TMPRSS11D: variants seen among roughly 807,000 people sequenced by gnomAD.
TMPRSS11D encodes transmembrane serine protease 11D.
Under a neutral mutation model 44.4 loss-of-function variants are expected in TMPRSS11D, and 32 were observed. The ratio of observed to expected loss-of-function variants is 0.72; its 90% CI spans 0.54 to 0.97. TMPRSS11D has a LOEUF of 0.97. Ranked by LOEUF, TMPRSS11D falls within the 50% of genes least tolerant of loss-of-function variation. The pLI, the probability that TMPRSS11D is intolerant of heterozygous loss-of-function variation, is 0.00. For synonymous variants in TMPRSS11D, 179 were observed against 177.9 expected (o/e 1.01, Z -0.05); for missense variants, 446 against 502.6 (o/e 0.89, Z 1.08).
intron 7 of TMPRSS11D, among the ~76,000 whole-genome samples, chr4:67,829,209 T>G (rs1336641959): frequency 3.3e-5 from 5 of 152,056 alleles, no homozygotes. Flanking sequence ...CATAGTTAAA[T>G]TCTCAGGACC....
intron 5 of TMPRSS11D, among the ~76,000 whole-genome samples, chr4:67,835,876 T>C (rs1718071550): frequency 6.6e-6 from 1 of 152,086 alleles, no homozygotes; most frequent in Non-Finnish European, 1.5e-5. Context: ...GTGTTGTGTT[T>C]AGGGAAATGG....
chr4:67,865,092 T>A (rs1032077619), intron 1 of TMPRSS11D, among the ~76,000 whole-genome samples: 18 of 151,844 alleles, frequency 1.2e-4, no homozygotes, highest in African/African-American at 4.3e-4. Context: ...TGGAACATTC[T>A]CCAAGATAGA....
At chr4:67,862,982 A>C (rs6854384) in intron 1 of TMPRSS11D, among the ~76,000 whole-genome samples, 112,154 of 151,296 alleles carry the variant, frequency 0.74, 41,834 homozygotes, top group African/African-American at 0.78. Context: ...GTGCAGCACA[A>C]CAACATGGCA....
chr4:67,827,507 G>A lies in TMPRSS11D; in HGVS notation c.706C>T (p.Arg236Cys), dbSNP rs760967680. ...AHCFRSNSNP[R>C]DWIATSGIST... is the part of the protein sequence containing the mutation. The stretch of plus-strand genomic sequence containing the variant: ...ATACCAGACGTGGCAATCCAGTCAC[G>A]AGGATTAGAGTTGCTAAAACATTAT... Residue 236 changes from arginine (R) to cysteine (C), a missense_variant, in exon 8 of 10, where the codon CGT (arginine) becomes TGT (cysteine). Coordinates refer to ENST00000283916, the MANE Select transcript of TMPRSS11D (RefSeq NM_004262.3). The A allele has an allele frequency of 2.5e-6, 4 of 1,601,290 alleles. No individual in the cohort carries two copies. The Admixed American group carries it at 6.8e-5, about 27-fold the overall frequency.
intron 4 of TMPRSS11D, among the ~76,000 whole-genome samples, chr4:67,840,291 T>C (rs543349986): frequency 1.3e-5 from 2 of 152,058 alleles, no homozygotes; most frequent in East Asian, 1.9e-4. Context: ...CACATCTTTC[T>C]TACATGGTGG....
At chr4:67,858,554 T>G (rs1195672449) in intron 2 of TMPRSS11D, among the ~76,000 whole-genome samples, 1 of 152,196 alleles carries the variant, frequency 6.6e-6, no homozygotes, top group Non-Finnish European at 1.5e-5. Context: ...GTTGGTAATT[T>G]TATTGCACCA....
chr4:67,841,099 T>A (rs1353672180), intron 4 of TMPRSS11D, among the ~76,000 whole-genome samples: 3 of 152,166 alleles, frequency 2.0e-5, no homozygotes, highest in Non-Finnish European at 4.4e-5. Context: ...GCAGTCATAC[T>A]GGAAGAGATC....
chr4:67,881,427 T>G (rs184924546), intron 1 of TMPRSS11D, among the ~76,000 whole-genome samples: 2 of 152,270 alleles, frequency 1.3e-5, no homozygotes, highest in African/African-American at 4.8e-5. Flanking sequence ...AGAAAAACAT[T>G]TGGGCCAAAT....
chr4:67,836,801 A>T (rs571411237), intron 5 of TMPRSS11D, among the ~76,000 whole-genome samples: 33 of 152,288 alleles, frequency 2.2e-4, no homozygotes, highest in African/African-American at 7.7e-4. Context: ...TCATTCCAGC[A>T]GGTCCCTTTC....
intron 1 of TMPRSS11D, among the ~76,000 whole-genome samples, chr4:67,861,149 G>A (rs1387133101): frequency 6.6e-6 from 1 of 152,066 alleles, no homozygotes; most frequent in Non-Finnish European, 1.5e-5. Flanking sequence ...ACTTTATGAT[G>A]TCTTTTTGCT....
intron 7 of TMPRSS11D, among the ~76,000 whole-genome samples, chr4:67,830,082 T>C (rs1295702233): frequency 1.3e-5 from 2 of 152,078 alleles, no homozygotes; most frequent in Non-Finnish European, 2.9e-5. Flanking sequence ...GGTGGCTGCA[T>C]ACCATGGGGT....
intron 4 of TMPRSS11D, among the ~76,000 whole-genome samples, chr4:67,840,825 G>C (rs552772720): frequency 6.6e-6 from 1 of 152,114 alleles, no homozygotes; most frequent in South Asian, 2.1e-4. Flanking sequence ...ATTAAAATAA[G>C]AAATGTGTTT....
chr4:67,883,827 G>A, intron 1 of TMPRSS11D, 99 bp downstream of exon 1: 1 of 918,766 alleles, frequency 1.1e-6, no homozygotes, highest in Non-Finnish European at 1.6e-6. Context: ...CTAGAAGATT[G>A]CTAGACACAG....
At chr4:67,838,404 G>A in intron 4 of TMPRSS11D, 75 bp from the exon 5 acceptor site, 2 of 1,327,588 alleles carry the variant, frequency 1.5e-6, no homozygotes, top group Non-Finnish European at 2.0e-6. Flanking sequence ...TATTCTTCTT[G>A]ATTAAACCCT....
chr4:67,835,620 C>G (rs777754367), intron 5 of TMPRSS11D, among the ~76,000 whole-genome samples: 14 of 151,942 alleles, frequency 9.2e-5, no homozygotes, highest in Non-Finnish European at 1.9e-4. Context: ...AGAAATTAAT[C>G]AAGCAATCAT....
At chr4:67,863,993 A>G (rs1718856638) in intron 1 of TMPRSS11D, among the ~76,000 whole-genome samples, 1 of 152,012 alleles carries the variant, frequency 6.6e-6, no homozygotes. Flanking sequence ...TGTACAGTAT[A>G]TGTTGTGAGA....
At chr4:67,865,769 G>A (rs1312882051) in intron 1 of TMPRSS11D, among the ~76,000 whole-genome samples, 2 of 151,588 alleles carry the variant, frequency 1.3e-5, no homozygotes, top group Non-Finnish European at 1.5e-5. Flanking sequence ...AATCTACCAG[G>A]TTTAATTTAC....
chr4:67,856,860 T>C (rs921475453), intron 2 of TMPRSS11D, among the ~76,000 whole-genome samples: 3 of 151,878 alleles, frequency 2.0e-5, no homozygotes, highest in Non-Finnish European at 2.9e-5. Context: ...GACATACAAA[T>C]CATCAACAGG....
chr4:67,857,678 G>C (rs1718687761), intron 2 of TMPRSS11D, among the ~76,000 whole-genome samples: 1 of 152,148 alleles, frequency 6.6e-6, no homozygotes, highest in African/African-American at 2.4e-5. Context: ...TCAATGTAGA[G>C]AGTAGAATGA....
Sources: gnomAD v4.1 joint callset for allele counts (sites outside exome capture counted in the v4.1 genomes callset) on GRCh38, gnomAD v4.1.1 for gene constraint, MANE v1.5 for transcripts, NCBI Gene and HGNC (gene_info 2026-07-23, HGNC 2026-07-21) for gene names.